Variants in UBE2G2 observed in about 807,000 individuals in gnomAD.
The protein encoded by UBE2G2 is ubiquitin-conjugating enzyme E2 G2.
Under a neutral mutation model 23.0 loss-of-function variants are expected in UBE2G2, and 10 were observed. That is an observed-to-expected ratio of 0.43 (90% CI 0.27 to 0.74). The LOEUF is 0.74. UBE2G2 is among the 30% of genes least tolerant of loss of function. The probability of loss-of-function intolerance (pLI) is 0.19; values close to 1 mark genes in which losing one functional copy is unlikely to be tolerated. For missense variants in UBE2G2, 150 were observed against 218.3 expected (o/e 0.69, Z 1.97); for synonymous variants, 86 against 81.3 (o/e 1.06, Z -0.31).
At chr21:44,797,740 A>AG (rs1555964094) in intron 1 of UBE2G2, among the ~76,000 whole-genome samples, 1 of 114,302 alleles carries the variant, frequency 8.7e-6, no homozygotes, top group Non-Finnish European at 1.9e-5. Context: ...AAAAAAAAAA[A>AG]AGAGAAAATA....
In UBE2G2 at chr21:44,774,591, C is replaced by T. The variant is rs2082899423; in HGVS notation, c.245-904G>A. 3.4e-5 allele frequency: 11 copies of T among 326,442 alleles called. No individual in the cohort carries two copies. The Middle Eastern group carries it at 2.7e-3, about 81-fold the overall frequency. The allele number at this position is 326,442 out of a possible 1,614,324, so 20.2% of individuals were successfully genotyped here. On this transcript the variant is annotated intron_variant, in intron 4 of 5. Coordinates refer to ENST00000345496, the MANE Select transcript of UBE2G2 (RefSeq NM_003343.6). ...CCTTCAAACAGTCTTGTCTTTCATA[C>T]CTGGTCCTATGTGTTTCCACTCATC...
chr21:44,793,252 A>C (rs913232144), intron 1 of UBE2G2, among the ~76,000 whole-genome samples: 6 of 152,378 alleles, frequency 3.9e-5, no homozygotes, highest in Middle Eastern at 3.4e-3. Context: ...CTGGCAGCAG[A>C]ACACACAAAA....
At chr21:44,775,587 G>C (rs1409381727) in intron 4 of UBE2G2, among the ~76,000 whole-genome samples, 1 of 152,064 alleles carries the variant, frequency 6.6e-6, no homozygotes, top group Non-Finnish European at 1.5e-5. Flanking sequence ...ATAATTACCA[G>C]AACATTAAAA....
chr21:44,784,100 G>A (rs782402967), intron 3 of UBE2G2, among the ~76,000 whole-genome samples: 28 of 151,400 alleles, frequency 1.8e-4, no homozygotes, highest in Non-Finnish European at 3.7e-4. Context: ...AGGCTGCAGT[G>A]AGCTGTGACC....
intron 1 of UBE2G2, among the ~76,000 whole-genome samples, chr21:44,790,218 T>A (rs1555962759): frequency 1.3e-5 from 2 of 152,236 alleles, no homozygotes. Context: ...CTGGCAAGTT[T>A]AGCAAGTAGA....
intron 1 of UBE2G2, chr21:44,800,368 G>A (rs1181577611): frequency 1.3e-5 from 2 of 151,258 alleles, no homozygotes; most frequent in Non-Finnish European, 2.9e-5. Flanking sequence ...GACCAACCAG[G>A]AATACAAAAT....
chr21:44,781,753 G>A (rs2082958507), intron 3 of UBE2G2, among the ~76,000 whole-genome samples: 1 of 152,110 alleles, frequency 6.6e-6, no homozygotes, highest in South Asian at 2.1e-4. Flanking sequence ...GGTGTTCTAA[G>A]CACCCCAGGC....
intron 1 of UBE2G2, among the ~76,000 whole-genome samples, chr21:44,790,586 G>A (rs782681348): frequency 6.6e-5 from 10 of 152,202 alleles, no homozygotes; most frequent in Admixed American, 1.3e-4. Context: ...AGATCTGGTG[G>A]TTTTATAAGT....
chr21:44,801,297 A>G lies in UBE2G2; in HGVS notation c.43+409T>C, dbSNP rs199979627. On this transcript the variant is annotated intron_variant, in intron 1 of 5. Transcript: ENST00000345496. ...CCAAAATCTGACCTTTCAAAGCTCC[A>G]CCAACGAGCCTTTCCCCTTTTAACG... The G allele has an allele frequency of 2.8e-5, 29 of 1,021,952 alleles. No homozygotes were observed. In the African/African-American group the frequency reaches 5.0e-4, roughly 17 times the overall value. 63.3% of individuals were successfully genotyped at this position (1,021,952 alleles called of 1,614,324 possible).
intron 3 of UBE2G2, among the ~76,000 whole-genome samples, chr21:44,783,612 C>T (rs2082973168): frequency 6.6e-6 from 1 of 152,166 alleles, no homozygotes; most frequent in Non-Finnish European, 1.5e-5. Flanking sequence ...AGAAGCCAGG[C>T]ACAGATGATT....
chr21:44,792,792 A>T (rs1400878983), intron 1 of UBE2G2, among the ~76,000 whole-genome samples: 5 of 152,254 alleles, frequency 3.3e-5, no homozygotes, highest in Admixed American at 3.3e-4. Context: ...CAGGAAACAG[A>T]GGTCCTGAAG....
intron 1 of UBE2G2, 136 bp from the exon 2 acceptor site, chr21:44,788,231 C>A: frequency 1.4e-6 from 1 of 736,780 alleles, no homozygotes; most frequent in Non-Finnish European, 2.1e-6. Flanking sequence ...TCTGTTTGCC[C>A]AAAGTGAATA....
At position 44,788,287 on chromosome 21, in the gene UBE2G2, G is replaced by GTTTT. The variant is rs71326069; in HGVS notation, c.44-196_44-193dup. On this transcript the variant is annotated intron_variant, in intron 1 of 5. Coordinates refer to ENST00000345496, the MANE Select transcript of UBE2G2 (RefSeq NM_003343.6). ...GATAACAACTACACAAAGTTTTTTT[G>GTTTT]TTTTTTTTTTGTTTTTTTTTGAGAC... Among the ~76,000 whole-genome samples the GTTTT allele has an allele frequency of 4.5e-3, 614 of 135,492 alleles. 40 individuals carry two copies. The highest frequency in any genetic ancestry group is 7.0e-3 in the Non-Finnish European group (440 of 62,574). The allele number at this position is 135,492 out of a possible 152,430, so 88.9% of individuals were successfully genotyped here.
chr21:44,769,964 A>G lies in UBE2G2; in HGVS notation c.*1413T>C, dbSNP rs1342809760. 1.3e-5 allele frequency: 2 copies of G among 152,238 alleles called. No homozygotes were observed. The highest frequency in any genetic ancestry group is 4.8e-5 in the African/African-American group (2 of 41,464). The allele number at this position is 152,238 out of a possible 1,614,324, so 9.4% of individuals were successfully genotyped here. A position where few individuals can be genotyped will look rare whatever the true frequency, so the allele number is the denominator to read the frequency against. The stretch of plus-strand genomic sequence containing the variant: ...GCATGTGGCAGATCTGTTATTGCTT[A>G]CACTGTGGCCTCCTGGCCTGTGCTG... On this transcript the variant is annotated 3_prime_UTR_variant, in exon 6 of 6. Transcript: ENST00000345496.
At chr21:44,798,073 G>A (rs1601200929) in intron 1 of UBE2G2, among the ~76,000 whole-genome samples, 2 of 152,146 alleles carry the variant, frequency 1.3e-5, no homozygotes, top group East Asian at 3.9e-4. Context: ...TGAAAGGATA[G>A]CTTGAGCCCA....
rs575370920 is a variant in UBE2G2 at position 44,769,537 on chromosome 21, C to G, written c.*1840G>C. 3.2e-4 allele frequency: 48 copies of G among 152,214 alleles called. 1 individual carries two copies. Among genetic ancestry groups the G allele is most frequent in the African/African-American group, 1.1e-3 (45 of 41,440 alleles). The allele number at this position is 152,214 out of a possible 1,614,324, so 9.4% of individuals were successfully genotyped here. A position where few individuals can be genotyped will look rare whatever the true frequency, so the allele number is the denominator to read the frequency against. On this transcript the variant is annotated 3_prime_UTR_variant, in exon 6 of 6. Coordinates refer to ENST00000345496, the MANE Select transcript of UBE2G2 (RefSeq NM_003343.6). ...CTGGGACTACAGGCGCCCGCCACCACGCCCGGCTAATTTTTTGTATTTTTA... is the reference window on the plus strand; with the variant it reads ...CTGGGACTACAGGCGCCCGCCACCAGGCCCGGCTAATTTTTTGTATTTTTA...
intron 5 of UBE2G2, among the ~76,000 whole-genome samples, chr21:44,773,218 T>C (rs2082887474): frequency 6.6e-6 from 1 of 151,948 alleles, no homozygotes; most frequent in African/African-American, 2.4e-5. Flanking sequence ...GAACAAAGAG[T>C]TGGGGTCTTT....
At chr21:44,787,858 G>GT in intron 3 of UBE2G2, 62 bp downstream of exon 3, 1 of 1,579,880 alleles carries the variant, frequency 6.3e-7, no homozygotes, top group East Asian at 2.2e-5. Context: ...CACTGCTGAT[G>GT]TGATTCTTAC....
chr21:44,788,026 G>C, intron 2 of UBE2G2, 34 bp downstream of exon 2: 2 of 1,612,096 alleles, frequency 1.2e-6, no homozygotes, highest in South Asian at 2.2e-5. Flanking sequence ...GCAATTAAAA[G>C]TAAATTATAA....
Sources: gnomAD v4.1 joint callset for allele counts (sites outside exome capture counted in the v4.1 genomes callset) on GRCh38, gnomAD v4.1.1 for gene constraint, MANE v1.5 for transcripts, NCBI Gene and HGNC (gene_info 2026-07-23, HGNC 2026-07-21) for gene names.